The following RHOJ variants were observed in gnomAD, a reference collection of about 807,000 sequenced individuals.
RHOJ encodes the protein ras homolog family member J.
A neutral mutation model predicts 23.4 loss-of-function variants in RHOJ; 11 were observed. That is an observed-to-expected ratio of 0.47 (90% CI 0.30 to 0.78). The LOEUF is 0.78. Among genes scored for constraint, RHOJ ranks in the 30% least tolerant of loss-of-function variants. RHOJ has a pLI of 0.08. For missense variants in RHOJ, 254 were observed against 273.4 expected, an observed-to-expected ratio of 0.93 and a Z score of 0.50; for synonymous variants, 102 against 102.7, an observed-to-expected ratio of 0.99 and a Z score of 0.04.
chr14:63,243,071 T>C (rs1367483650), intron 1 of RHOJ, among the ~76,000 whole-genome samples: 1 of 152,198 alleles, frequency 6.6e-6, no homozygotes, highest in East Asian at 1.9e-4. Flanking sequence ...CACCTTCTCA[T>C]AACTTTTTAA....
At chr14:63,266,876 A>G (rs954856273) in intron 1 of RHOJ, among the ~76,000 whole-genome samples, 8 of 152,132 alleles carry the variant, frequency 5.3e-5, no homozygotes, top group Middle Eastern at 3.2e-3. Flanking sequence ...TCCTCTTTTC[A>G]TATTTTGCTC....
chr14:63,229,846 T>C (rs924109134), intron 1 of RHOJ, among the ~76,000 whole-genome samples: 5 of 152,172 alleles, frequency 3.3e-5, no homozygotes, highest in Non-Finnish European at 7.3e-5. Flanking sequence ...AACATAAACA[T>C]GGAATACCAC....
chr14:63,290,095 T>G (rs993046851), intron 4 of RHOJ, among the ~76,000 whole-genome samples: 1 of 151,880 alleles, frequency 6.6e-6, no homozygotes, highest in East Asian at 1.9e-4. Flanking sequence ...ATACAAAAAC[T>G]AACCCGGCTT....
intron 1 of RHOJ, among the ~76,000 whole-genome samples, chr14:63,249,751 G>A (rs766715915): frequency 3.3e-5 from 5 of 152,112 alleles, no homozygotes; most frequent in African/African-American, 7.2e-5. Flanking sequence ...TCTCATCCTC[G>A]GCCACTTGGG....
intron 1 of RHOJ, among the ~76,000 whole-genome samples, chr14:63,251,528 C>G (rs980628367): frequency 3.3e-5 from 5 of 152,138 alleles, no homozygotes; most frequent in African/African-American, 1.2e-4. Context: ...AAGCTCTCTG[C>G]AGACAAACCC....
At chr14:63,230,667 A>G (rs1470138123) in intron 1 of RHOJ, among the ~76,000 whole-genome samples, 3 of 150,054 alleles carry the variant, frequency 2.0e-5, no homozygotes, top group Non-Finnish European at 4.4e-5. Flanking sequence ...ATTTATCACT[A>G]TCTAATACAT....
intron 1 of RHOJ, among the ~76,000 whole-genome samples, chr14:63,225,844 A>G (rs1172763360): frequency 6.6e-6 from 1 of 152,216 alleles, no homozygotes; most frequent in Non-Finnish European, 1.5e-5. Context: ...AAAGAGGTTC[A>G]GAAAAAAGAT....
chr14:63,255,421 G>A (rs1895145584), intron 1 of RHOJ, among the ~76,000 whole-genome samples: 2 of 152,174 alleles, frequency 1.3e-5, no homozygotes, highest in South Asian at 4.1e-4. Flanking sequence ...AAGGATGAGA[G>A]CCTTGTCTCT....
At position 63,261,501 on chromosome 14, in the gene RHOJ, G is replaced by A. The variant is rs142829019; in HGVS notation, c.179-7609G>A. ...TCTGGAGTGAAGTGCCAAAAACATG[G>A]CTCACTGCAACCTTGATCTCCTGGG... On this transcript the variant is annotated intron_variant, in intron 1 of 4. Transcript: ENST00000316754. 8.9e-3 allele frequency among the ~76,000 whole-genome samples: 1,352 copies of A among 151,806 alleles called. 13 individuals are homozygous for A. The highest frequency in any genetic ancestry group is 0.013 in the Admixed American group (204 of 15,254).
chr14:63,272,359 A>G (rs933055205), intron 2 of RHOJ, among the ~76,000 whole-genome samples: 42 of 152,212 alleles, frequency 2.8e-4, no homozygotes, highest in African/African-American at 1.0e-3. Context: ...CAAAATATTC[A>G]TTTGGTCAAT....
chr14:63,264,085 G>C (rs1895322580), intron 1 of RHOJ, among the ~76,000 whole-genome samples: 2 of 151,930 alleles, frequency 1.3e-5, no homozygotes, highest in African/African-American at 4.8e-5. Flanking sequence ...GGGTGTGATA[G>C]TACCGATCAC....
intron 1 of RHOJ, among the ~76,000 whole-genome samples, chr14:63,222,292 C>T (rs557842648): frequency 6.8e-4 from 103 of 152,114 alleles, no homozygotes; most frequent in Non-Finnish European, 1.3e-3. Context: ...CATACGTGTG[C>T]GTGTGTCTTT....
intron 2 of RHOJ, chr14:63,269,468 A>T (rs978692815): frequency 3.6e-6 from 1 of 280,584 alleles, no homozygotes; most frequent in Non-Finnish European, 6.6e-6. Context: ...TTCTGTGGAA[A>T]CCTATTCCAG....
chr14:63,212,010 C>G (rs1437421644), intron 1 of RHOJ, among the ~76,000 whole-genome samples: 1 of 152,198 alleles, frequency 6.6e-6, no homozygotes, highest in African/African-American at 2.4e-5. Context: ...TCATGTGATG[C>G]TCCTGAGCAG....
Position 63,204,907 on chromosome 14 carries a change from G to T in RHOJ, c.38G>T (p.Cys13Phe), listed in dbSNP as rs1894072886. The part of the protein sequence containing the change: ...CKEGTDSSCG[C>F]RGNDEKKMLK... ...GAGGGAACTGACAGCAGCTGCGGCT[G>T]CAGGGGCAACGACGAGAAGAAGATG... Residue 13 changes from cysteine to phenylalanine, a missense_variant, in exon 1 of 5, where the codon TGC becomes TTC. Coordinates refer to ENST00000316754, the MANE Select transcript of RHOJ (RefSeq NM_020663.5). 6.2e-7 allele frequency: 1 copy of T among 1,614,026 alleles called. No homozygotes were observed. Among genetic ancestry groups the T allele is most frequent in the Non-Finnish European group, 8.5e-7 (1 of 1,180,002 alleles).
intron 1 of RHOJ, among the ~76,000 whole-genome samples, chr14:63,218,999 A>G (rs1195491293): frequency 6.6e-6 from 1 of 152,208 alleles, no homozygotes; most frequent in African/African-American, 2.4e-5. Context: ...ATAAATAGAT[A>G]TATCGCTTCA....
chr14:63,209,249 C>A (rs970857838), intron 1 of RHOJ, among the ~76,000 whole-genome samples: 1 of 152,168 alleles, frequency 6.6e-6, no homozygotes, highest in Non-Finnish European at 1.5e-5. Flanking sequence ...GGCAGAGGGA[C>A]TGTCCCAAAC....
rs188371133 is a variant in RHOJ at position 63,283,570 on chromosome 14, T to A, written c.498+354T>A. On this transcript the variant is annotated intron_variant, in intron 4 of 4. Coordinates refer to ENST00000316754, the MANE Select transcript of RHOJ (RefSeq NM_020663.5). ...TGTAAATCTCACTGCTTATTATGGA[T>A]GTAGCTCATTTAAATAACCCCATAA... 9.8e-5 allele frequency among the ~76,000 whole-genome samples: 15 copies of A among 152,330 alleles called. No homozygotes were observed. The East Asian group carries it at 2.7e-3, about 27-fold the overall frequency.
chr14:63,212,038 G>C (rs1209129748), intron 1 of RHOJ, among the ~76,000 whole-genome samples: 1 of 152,300 alleles, frequency 6.6e-6, no homozygotes, highest in East Asian at 1.9e-4. Flanking sequence ...AGTCAGTAGG[G>C]CTGCTTTCTT....
Sources: gnomAD v4.1 joint callset for allele counts (sites outside exome capture counted in the v4.1 genomes callset) on GRCh38, gnomAD v4.1.1 for gene constraint, MANE v1.5 for transcripts, NCBI Gene and HGNC (gene_info 2026-07-23, HGNC 2026-07-21) for gene names.